Variants in ENTREP2 observed in about 807,000 individuals in gnomAD.
ENTREP2 encodes the protein protein ENTREP2.
the ENTREP2 span, among the ~76,000 whole-genome samples, chr15:29,530,468 G>A: frequency 6.6e-6 from 1 of 152,272 alleles, no homozygotes; most frequent in Non-Finnish European, 1.5e-5. Flanking sequence ...TTTTCTCATT[G>A]TTTTTATATA....
the ENTREP2 span, among the ~76,000 whole-genome samples, chr15:29,413,340 T>C: frequency 2.0e-5 from 3 of 152,330 alleles, no homozygotes; most frequent in Non-Finnish European, 2.9e-5. Flanking sequence ...TCAATATGTA[T>C]TGAAATTTCC....
At chr15:29,445,151 A>G in the ENTREP2 span, among the ~76,000 whole-genome samples, 1 of 152,196 alleles carries the variant, frequency 6.6e-6, no homozygotes, top group Admixed American at 6.5e-5. Flanking sequence ...TTTGGAGGTG[A>G]TTTGGTGATG....
the ENTREP2 span, among the ~76,000 whole-genome samples, chr15:29,296,994 C>A: frequency 6.6e-6 from 1 of 152,050 alleles, no homozygotes; most frequent in Non-Finnish European, 1.5e-5. Context: ...GACCCATAAA[C>A]CCTGGTCCTT....
At chr15:29,446,274 A>G in the ENTREP2 span, among the ~76,000 whole-genome samples, 1 of 152,326 alleles carries the variant, frequency 6.6e-6, no homozygotes, top group South Asian at 2.1e-4. Context: ...CACACGGACT[A>G]AGACACCAAC....
the ENTREP2 span, among the ~76,000 whole-genome samples, chr15:29,224,180 C>T: frequency 2.0e-5 from 3 of 152,040 alleles, no homozygotes; most frequent in Non-Finnish European, 4.4e-5. Context: ...TACAGACCTT[C>T]GTGGTGAGTG....
chr15:29,170,165 A>G, the ENTREP2 span, among the ~76,000 whole-genome samples: 32 of 151,886 alleles, frequency 2.1e-4, no homozygotes, highest in Admixed American at 2.1e-3. Context: ...AAAATTAGCC[A>G]GGCGTGGTGG....
the ENTREP2 span, chr15:29,268,075 A>G: frequency 6.6e-6 from 1 of 152,366 alleles, no homozygotes; most frequent in Admixed American, 6.5e-5. Flanking sequence ...CTTAATATGT[A>G]GCAAAAACTT....
At chr15:29,565,628 G>A in the ENTREP2 span, among the ~76,000 whole-genome samples, 3 of 152,208 alleles carry the variant, frequency 2.0e-5, no homozygotes, top group Non-Finnish European at 4.4e-5. Flanking sequence ...AGTAATATGG[G>A]TGGTATAATG....
the ENTREP2 span, among the ~76,000 whole-genome samples, chr15:29,226,792 A>C: frequency 6.6e-6 from 1 of 152,214 alleles, no homozygotes; most frequent in Admixed American, 6.5e-5. Flanking sequence ...AGGCTTTGGA[A>C]AAAATGAGAT....
At chr15:29,293,563 T>C in the ENTREP2 span, among the ~76,000 whole-genome samples, 2 of 152,136 alleles carry the variant, frequency 1.3e-5, no homozygotes, top group Non-Finnish European at 2.9e-5. Flanking sequence ...GCCAAATTTA[T>C]TGACTCTTAG....
At chr15:29,461,214 T>C in the ENTREP2 span, among the ~76,000 whole-genome samples, 1 of 152,184 alleles carries the variant, frequency 6.6e-6, no homozygotes, top group Non-Finnish European at 1.5e-5. Flanking sequence ...ATGACTGTTA[T>C]TTCCCTTCAT....
chr15:29,217,122 A>G, the ENTREP2 span, among the ~76,000 whole-genome samples: 1 of 152,226 alleles, frequency 6.6e-6, no homozygotes, highest in Admixed American at 6.5e-5. Flanking sequence ...GACAATTACA[A>G]GGTGATAGGC....
the ENTREP2 span, among the ~76,000 whole-genome samples, chr15:29,481,810 C>A: frequency 1.5e-4 from 23 of 152,034 alleles, no homozygotes; most frequent in African/African-American, 5.1e-4. Flanking sequence ...GCGGATCCTG[C>A]CTTCTACCCC....
chr15:29,293,614 G>A, the ENTREP2 span, among the ~76,000 whole-genome samples: 2 of 152,192 alleles, frequency 1.3e-5, no homozygotes, highest in Non-Finnish European at 1.5e-5. Context: ...AGAGAGTGGG[G>A]ATGCAAGCAG....
At chr15:29,381,509 G>A in the ENTREP2 span, among the ~76,000 whole-genome samples, 3 of 149,140 alleles carry the variant, frequency 2.0e-5, no homozygotes, top group South Asian at 4.3e-4. Flanking sequence ...GTCCTTACAG[G>A]AGGACAGCAA....
chr15:29,295,634 T>C, the ENTREP2 span, among the ~76,000 whole-genome samples: 13 of 152,300 alleles, frequency 8.5e-5, no homozygotes, highest in Middle Eastern at 6.8e-3. Context: ...ATTATAACAA[T>C]ATGCCAGTAA....
chr15:29,340,122 G>A, the ENTREP2 span, among the ~76,000 whole-genome samples: 1 of 152,220 alleles, frequency 6.6e-6, no homozygotes, highest in Non-Finnish European at 1.5e-5. Context: ...TAAGGAGTCT[G>A]TCAATTAGAT....
the ENTREP2 span, among the ~76,000 whole-genome samples, chr15:29,217,096 G>C: frequency 6.6e-6 from 1 of 152,206 alleles, no homozygotes; most frequent in African/African-American, 2.4e-5. Flanking sequence ...AACAGTTCTA[G>C]GTGCAGGGGC....
the ENTREP2 span, among the ~76,000 whole-genome samples, chr15:29,598,699 CTTTT>C: frequency 2.2e-5 from 1 of 45,108 alleles, no homozygotes; most frequent in Non-Finnish European, 6.8e-5. Context: ...TTCTTTCTTT[CTTTT>C]TTTCTTTTTT....
Sources: allele counts gnomAD v4.1 joint callset (sites outside exome capture counted in the v4.1 genomes callset), GRCh38; gene constraint gnomAD v4.1.1; transcripts MANE v1.5; gene names NCBI Gene and HGNC (gene_info 2026-07-23, HGNC 2026-07-21).